ALKBH8: variants seen among roughly 807,000 people sequenced by gnomAD.
ALKBH8 encodes tRNA (carboxymethyluridine(34)-5-O)-methyltransferase ALKBH8.
Under a neutral mutation model 59.8 loss-of-function variants are expected in ALKBH8, and 36 were observed. The observed-to-expected ratio is 0.60, with a 90% confidence interval of 0.46 to 0.79. The LOEUF (loss-of-function observed/expected upper bound fraction) is 0.79, where lower values mean the gene tolerates loss of function less well. ALKBH8 is among the 30% of genes least tolerant of loss of function. The pLI is 0.00. For synonymous variants in ALKBH8, 276 were observed against 273.6 expected (o/e 1.01, Z -0.09); for missense variants, 768 against 801.0 (o/e 0.96, Z 0.50).
chr11:107,531,629 A>G (rs1040149550), intron 8 of ALKBH8, among the ~76,000 whole-genome samples: 6 of 152,234 alleles, frequency 3.9e-5, no homozygotes, highest in Non-Finnish European at 2.9e-5. Flanking sequence ...GGATTGTATA[A>G]GAGTATAATA....
intron 3 of ALKBH8, among the ~76,000 whole-genome samples, 173 bp downstream of exon 3, chr11:107,556,593 T>A (rs532435829): frequency 1.3e-5 from 2 of 152,244 alleles, no homozygotes; most frequent in African/African-American, 4.8e-5. Flanking sequence ...TACTGTCAAC[T>A]ACTTGTCCCA....
intron 11 of ALKBH8, among the ~76,000 whole-genome samples, chr11:107,505,781 C>T (rs1439144243): frequency 6.6e-6 from 1 of 152,194 alleles, no homozygotes; most frequent in African/African-American, 2.4e-5. Flanking sequence ...AGATTCACTC[C>T]AGCTTTTCCC....
intron 9 of ALKBH8, among the ~76,000 whole-genome samples, chr11:107,523,795 T>C (rs1419542189): frequency 6.6e-6 from 1 of 151,600 alleles, no homozygotes; most frequent in East Asian, 2.0e-4. Context: ...TAGAGACAGG[T>C]TTCACCATGT....
chr11:107,536,002 T>C (rs970492061), intron 7 of ALKBH8, among the ~76,000 whole-genome samples: 5 of 152,248 alleles, frequency 3.3e-5, no homozygotes, highest in African/African-American at 1.2e-4. Flanking sequence ...TCTTCATACA[T>C]AGTGAACTGT....
Position 107,504,575 on chromosome 11 carries a change from T to G in ALKBH8, c.*83A>C. On this transcript the variant is annotated 3_prime_UTR_variant, in exon 12 of 12. Transcript: ENST00000428149. ...GGTACTTTCCCACAAGTTTTCTCTT[T>G]AATTAAAAGGGTAATTAATTTATTC... 6.7e-7 allele frequency: 1 copy of G among 1,493,106 alleles called. No individual in the cohort carries two copies. The highest frequency in any genetic ancestry group is 9.1e-7 in the Non-Finnish European group (1 of 1,099,122). The allele number at this position is 1,493,106 out of a possible 1,614,324, so 92.5% of individuals were successfully genotyped here.
intron 6 of ALKBH8, among the ~76,000 whole-genome samples, chr11:107,550,934 T>C (rs2135570493): frequency 6.6e-6 from 1 of 152,212 alleles, no homozygotes; most frequent in East Asian, 1.9e-4. Flanking sequence ...GCCTCTACAC[T>C]GTGAAAAAAT....
intron 7 of ALKBH8, among the ~76,000 whole-genome samples, chr11:107,541,712 C>T (rs975604943): frequency 4.6e-5 from 7 of 152,138 alleles, no homozygotes; most frequent in Non-Finnish European, 1.0e-4. Context: ...CCATATCAGA[C>T]ATTCTGAATC....
intron 7 of ALKBH8, among the ~76,000 whole-genome samples, chr11:107,540,336 A>G (rs1687146076): frequency 6.6e-6 from 1 of 152,154 alleles, no homozygotes; most frequent in African/African-American, 2.4e-5. Flanking sequence ...CTGCTGAACA[A>G]ATAGATTCTG....
At position 107,552,018 on chromosome 11, in the gene ALKBH8, A is replaced by G. The variant is rs533956175; in HGVS notation, c.596-106T>C. The G allele has an allele frequency of 8.0e-6, 4 of 501,036 alleles. No individual in the cohort carries two copies. The South Asian group carries it at 2.4e-4, about 30-fold the overall frequency. 31.0% of individuals were successfully genotyped at this position (501,036 alleles called of 1,614,324 possible). A position where few individuals can be genotyped will look rare whatever the true frequency, so the allele number is the denominator to read the frequency against. ...ATATAAATCTCTGAGCTTTTAATTT[A>G]GCAGTCAGGTCCATTAATAAACCCA... On this transcript the variant is annotated intron_variant, in intron 5 of 11. Transcript: ENST00000428149.
intron 7 of ALKBH8, among the ~76,000 whole-genome samples, chr11:107,535,174 G>A (rs1863763197): frequency 6.6e-6 from 1 of 152,268 alleles, no homozygotes; most frequent in Middle Eastern, 3.4e-3. Context: ...ATTTGGGCTG[G>A]TTCCATATTT....
Position 107,556,815 on chromosome 11 carries a change from C to T in ALKBH8, c.318G>A (p.Val106=), listed in dbSNP as rs142515602. 1,063 of 1,488,320 alleles carry T rather than the reference C, an allele frequency of 7.1e-4. 2 individuals carry two copies. The highest frequency in any genetic ancestry group is 8.9e-4 in the Non-Finnish European group (989 of 1,114,506). 92.2% of individuals were successfully genotyped at this position (1,488,320 alleles called of 1,614,324 possible). The change falls in exon 3 of 12, where the codon GTG becomes GTA. Residue 106 remains valine, a synonymous_variant. Transcript: ENST00000428149. ...AYVTLNGKEV[V]DDLGQKITLY... The stretch of plus-strand genomic sequence containing the variant: ...GAGTGATCTTTTGTCCTAAATCATC[C>T]ACTACTTCTTTTCCATTGAGGGTAA...
intron 7 of ALKBH8, among the ~76,000 whole-genome samples, chr11:107,540,494 A>C (rs1275255977): frequency 6.6e-6 from 1 of 152,236 alleles, no homozygotes; most frequent in Non-Finnish European, 1.5e-5. Context: ...AGAACAAAAT[A>C]TATGTTGCAT....
At chr11:107,510,082 T>C (rs1396063516) in intron 11 of ALKBH8, among the ~76,000 whole-genome samples, 1 of 152,156 alleles carries the variant, frequency 6.6e-6, no homozygotes, top group Admixed American at 6.6e-5. Flanking sequence ...CTAATATTGT[T>C]TGCTGCAGCC....
At chr11:107,516,925 G>A (rs1051972764) in intron 10 of ALKBH8, among the ~76,000 whole-genome samples, 2 of 152,120 alleles carry the variant, frequency 1.3e-5, no homozygotes, top group Non-Finnish European at 1.5e-5. Flanking sequence ...ACTAGAGGCT[G>A]AGGTGGGAGG....
At chr11:107,558,644 G>A (rs1039078333) in intron 2 of ALKBH8, among the ~76,000 whole-genome samples, 3 of 152,116 alleles carry the variant, frequency 2.0e-5, no homozygotes, top group Non-Finnish European at 2.9e-5. Context: ...AAAAACAAGT[G>A]CGGTAGAAGA....
At chr11:107,563,982 A>G (rs1421721729) in intron 1 of ALKBH8, among the ~76,000 whole-genome samples, 1 of 152,176 alleles carries the variant, frequency 6.6e-6, no homozygotes, top group African/African-American at 2.4e-5. Context: ...AGTCATCTCA[A>G]CAAGGATAGG....
intron 7 of ALKBH8, among the ~76,000 whole-genome samples, chr11:107,540,493 T>C (rs1863991540): frequency 6.6e-6 from 1 of 152,190 alleles, no homozygotes; most frequent in Admixed American, 6.5e-5. Context: ...CAGAACAAAA[T>C]ATATGTTGCA....
intron 11 of ALKBH8, among the ~76,000 whole-genome samples, chr11:107,510,238 T>C (rs564911760): frequency 1.3e-5 from 2 of 152,302 alleles, no homozygotes; most frequent in Admixed American, 6.5e-5. Context: ...TATAAAGCTA[T>C]TGCATAAATC....
intron 7 of ALKBH8, among the ~76,000 whole-genome samples, chr11:107,541,327 C>T (rs184223432): frequency 8.5e-5 from 13 of 152,196 alleles, no homozygotes; most frequent in Admixed American, 2.6e-4. Flanking sequence ...CAGAAAGCAC[C>T]GAAATTGTCT....
Sources: allele counts gnomAD v4.1 joint callset (sites outside exome capture counted in the v4.1 genomes callset), GRCh38; gene constraint gnomAD v4.1.1; transcripts MANE v1.5; gene names NCBI Gene and HGNC (gene_info 2026-07-23, HGNC 2026-07-21).